RALGAPA2: variants seen among roughly 807,000 people sequenced by gnomAD.
RALGAPA2 encodes Ral GTPase activating protein catalytic subunit alpha 2.
In RALGAPA2, 139 loss-of-function variants were observed where a neutral mutation model predicts 230.4. The observed-to-expected ratio is 0.60, with a 90% CI of 0.53 to 0.69. The LOEUF (loss-of-function observed/expected upper bound fraction) is 0.69. Among genes scored for constraint, RALGAPA2 ranks in the 30% least tolerant of loss-of-function variants. RALGAPA2 has a pLI of 0.00. For missense variants in RALGAPA2, 2,163 were observed against 2,276.0 expected, an observed-to-expected ratio of 0.95 and a Z score of 1.01; for synonymous variants, 847 against 837.8, an observed-to-expected ratio of 1.01 and a Z score of -0.19.
intron 1 of RALGAPA2, among the ~76,000 whole-genome samples, chr20:20,708,136 T>C (rs2147037979): frequency 6.6e-6 from 1 of 152,284 alleles, no homozygotes; most frequent in East Asian, 1.9e-4. Context: ...TTTATATTGA[T>C]TACCTGCAGA....
At chr20:20,412,374 C>G (rs2060079701) in intron 37 of RALGAPA2, among the ~76,000 whole-genome samples, 1 of 152,120 alleles carries the variant, frequency 6.6e-6, no homozygotes, top group South Asian at 2.1e-4. Flanking sequence ...ACTAATAACA[C>G]TAAAAAACAT....
rs1163087992 is a variant in RALGAPA2, at chr20:20,393,264, A to G, written c.*36-11T>C. The G allele has an allele frequency of 9.0e-6, 12 of 1,335,354 alleles. No individual in the cohort carries two copies. The highest frequency in any genetic ancestry group is 1.2e-5 in the Non-Finnish European group (12 of 1,006,878). 82.7% of individuals were successfully genotyped at this position (1,335,354 alleles called of 1,614,324 possible). A position where few individuals can be genotyped will look rare whatever the true frequency, so the allele number is the denominator to read the frequency against. ...TGGAGGCCAGGGCCCCTGCAAAGGA[A>G]GCAGAGAACTGCTAAGTCATGGAGG... On this transcript the variant is annotated splice_polypyrimidine_tract_variant and intron_variant, in intron 39 of 39. Transcript: ENST00000202677.
chr20:20,567,451 T>C (rs1283269221), intron 23 of RALGAPA2, among the ~76,000 whole-genome samples: 1 of 152,072 alleles, frequency 6.6e-6, no homozygotes, highest in Non-Finnish European at 1.5e-5. Flanking sequence ...CTTTCCAGGT[T>C]GGGGCAGGGT....
In RALGAPA2 at chr20:20,524,524, A is replaced by G; in HGVS notation, c.3782T>C (p.Leu1261Pro). ...TGCCATGCACCAGTCCAAGAGGCAGAGTAGCAAGGACACAATAAACTGGAA... is the reference window on the plus strand; with the variant it reads ...TGCCATGCACCAGTCCAAGAGGCAGGGTAGCAAGGACACAATAAACTGGAA... ...TDKKFIVSLL[L>P]CLLDWCMALP... Residue 1261 changes from leucine to proline, a missense_variant, in exon 30 of 40, where the codon CTC becomes CCC. By Grantham distance (98) the Leu-to-Pro change is moderately conservative (BLOSUM62 -3). Transcript: ENST00000202677. The G allele has an allele frequency of 6.2e-7, 1 of 1,613,988 alleles. No homozygotes were observed. The highest frequency in any genetic ancestry group is 8.5e-7 in the Non-Finnish European group (1 of 1,179,884).
At position 20,389,619 on chromosome 20, in the gene RALGAPA2, G is replaced by A. The variant is rs1051287615; in HGVS notation, c.*3670C>T. The stretch of plus-strand genomic sequence containing the variant: ...ATAATGAGAATGAGAGAAACATATA[G>A]CACTGAAGTGCTGTGTTTCCACTTT... On this transcript the variant is annotated 3_prime_UTR_variant, in exon 40 of 40. Transcript: ENST00000202677. 6.6e-6 allele frequency: 1 copy of A among 152,096 alleles called. No individual in the cohort carries two copies. Among genetic ancestry groups the A allele is most frequent in the Non-Finnish European group, 1.5e-5 (1 of 68,040 alleles). The allele number at this position is 152,096 out of a possible 1,614,324, so 9.4% of individuals were successfully genotyped here.
chr20:20,527,208 C>T (rs2063229870), intron 27 of RALGAPA2, among the ~76,000 whole-genome samples: 1 of 152,138 alleles, frequency 6.6e-6, no homozygotes, highest in Admixed American at 6.5e-5. Flanking sequence ...ATGAAGCAGA[C>T]CATCATCAAC....
At chr20:20,591,824 T>C (rs995727762) in intron 16 of RALGAPA2, among the ~76,000 whole-genome samples, 1 of 152,234 alleles carries the variant, frequency 6.6e-6, no homozygotes, top group African/African-American at 2.4e-5. Flanking sequence ...ATGGCTTATT[T>C]CATCAAATGC....
chr20:20,611,975 C>T (rs1354645886), intron 13 of RALGAPA2, among the ~76,000 whole-genome samples: 2 of 152,144 alleles, frequency 1.3e-5, no homozygotes, highest in Non-Finnish European at 2.9e-5. Context: ...GTGCTCATGT[C>T]TGGAAGATCC....
intron 38 of RALGAPA2, among the ~76,000 whole-genome samples, chr20:20,405,445 C>T (rs1602273318): frequency 6.6e-6 from 1 of 152,280 alleles, no homozygotes; most frequent in Admixed American, 6.5e-5. Flanking sequence ...CAGTGGCAGC[C>T]TCCAGGGGCA....
intron 3 of RALGAPA2, among the ~76,000 whole-genome samples, chr20:20,657,948 G>A (rs765500047): frequency 1.8e-4 from 28 of 152,234 alleles, no homozygotes; most frequent in Middle Eastern, 3.4e-3. Context: ...AATACATATT[G>A]GTCTTCTTGA....
At chr20:20,471,414 A>ATTTTTTTT (rs34179853) in intron 37 of RALGAPA2, 3 of 125,512 alleles carry the variant, frequency 2.4e-5, no homozygotes, top group African/African-American at 6.1e-5. Context: ...GTAAAATAAG[A>ATTTTTTTT]TTTTTTTTTT....
At chr20:20,404,733 T>A (rs989005368) in intron 38 of RALGAPA2, among the ~76,000 whole-genome samples, 1 of 152,238 alleles carries the variant, frequency 6.6e-6, no homozygotes, top group Non-Finnish European at 1.5e-5. Flanking sequence ...TCCCCTGAGC[T>A]GTAATTAGCA....
chr20:20,430,671 T>C (rs1245415931), intron 37 of RALGAPA2, among the ~76,000 whole-genome samples: 2 of 152,168 alleles, frequency 1.3e-5, no homozygotes, highest in Non-Finnish European at 2.9e-5. Flanking sequence ...CTTGAGAAAT[T>C]TCCTTTGTAT....
intron 38 of RALGAPA2, among the ~76,000 whole-genome samples, chr20:20,401,029 G>A (rs1205728859): frequency 6.6e-6 from 1 of 152,182 alleles, no homozygotes; most frequent in Non-Finnish European, 1.5e-5. Flanking sequence ...TGAGGAGTGG[G>A]CGGGGAGAAG....
At chr20:20,656,296 T>C (rs2067587020) in intron 3 of RALGAPA2, among the ~76,000 whole-genome samples, 2 of 152,202 alleles carry the variant, frequency 1.3e-5, no homozygotes, top group African/African-American at 4.8e-5. Context: ...ATTATAAAGA[T>C]TAGAAACATT....
At chr20:20,446,293 G>T (rs1258396723) in intron 37 of RALGAPA2, among the ~76,000 whole-genome samples, 1 of 152,076 alleles carries the variant, frequency 6.6e-6, no homozygotes, top group Non-Finnish European at 1.5e-5. Context: ...AACATTTAGA[G>T]AAATGAAAAA....
At chr20:20,424,704 T>C (rs878995576) in intron 37 of RALGAPA2, among the ~76,000 whole-genome samples, 2 of 152,038 alleles carry the variant, frequency 1.3e-5, no homozygotes, top group Admixed American at 1.3e-4. Context: ...TAATGTTAAA[T>C]GATGAGTTAA....
chr20:20,594,761 C>G (rs1288657081), intron 16 of RALGAPA2, among the ~76,000 whole-genome samples: 1 of 146,204 alleles, frequency 6.8e-6, no homozygotes, highest in Admixed American at 6.9e-5. Flanking sequence ...TGGAGTCTCG[C>G]TCTGTCGGCC....
intron 37 of RALGAPA2, among the ~76,000 whole-genome samples, chr20:20,451,082 C>A (rs1366833943): frequency 6.6e-6 from 1 of 152,114 alleles, no homozygotes; most frequent in African/African-American, 2.4e-5. Flanking sequence ...ATTTTAAGTG[C>A]CTAATAAATT....
Sources: allele counts gnomAD v4.1 joint callset (sites outside exome capture counted in the v4.1 genomes callset), GRCh38; gene constraint gnomAD v4.1.1; transcripts MANE v1.5; gene names NCBI Gene and HGNC (gene_info 2026-07-23, HGNC 2026-07-21).